GTF2IRD1: variants seen among roughly 807,000 people sequenced by gnomAD.
GTF2IRD1 encodes the protein GTF2I repeat domain containing 1, also known as general transcription factor II-I repeat domain-containing protein 1.
GTF2IRD1 carries 26 observed loss-of-function variants against 113.2 expected under a neutral mutation model. The observed-to-expected ratio is 0.23, with a 90% CI of 0.17 to 0.32. The LOEUF (loss-of-function observed/expected upper bound fraction) is 0.32. Among genes scored for constraint, GTF2IRD1 ranks in the 10% least tolerant of loss-of-function variants. GTF2IRD1 has a pLI of 1.00. For missense variants in GTF2IRD1, 864 were observed against 1,280.8 expected, an observed-to-expected ratio of 0.67 and a Z score of 4.97; for synonymous variants, 484 against 529.1, an observed-to-expected ratio of 0.91 and a Z score of 1.17.
chr7:74,543,507 C>T (rs1327638509), intron 14 of GTF2IRD1, among the ~76,000 whole-genome samples: 1 of 152,044 alleles, frequency 6.6e-6, no homozygotes, highest in African/African-American at 2.4e-5. Context: ...AAAGAAAATT[C>T]TGAGATGTCC....
intron 25 of GTF2IRD1, among the ~76,000 whole-genome samples, chr7:74,597,471 G>A (rs1374368195): frequency 5.3e-5 from 8 of 150,000 alleles, no homozygotes; most frequent in African/African-American, 1.7e-4. Flanking sequence ...TTAGCCTCCC[G>A]AGTAGCTGGG....
intron 6 of GTF2IRD1, among the ~76,000 whole-genome samples, chr7:74,520,159 C>T (rs1797195289): frequency 6.9e-6 from 1 of 145,264 alleles, no homozygotes; most frequent in Non-Finnish European, 1.5e-5. Context: ...GGGAGATCCA[C>T]ATCACGTGCT....
At chr7:74,582,837 C>T (rs1415521861) in intron 22 of GTF2IRD1, among the ~76,000 whole-genome samples, 5 of 151,888 alleles carry the variant, frequency 3.3e-5, no homozygotes, top group Non-Finnish European at 4.4e-5. Context: ...CAAAAACTCA[C>T]GATTTAAAAA....
At chr7:74,484,684 C>T (rs1240951996) in intron 1 of GTF2IRD1, among the ~76,000 whole-genome samples, 3 of 152,032 alleles carry the variant, frequency 2.0e-5, no homozygotes, top group East Asian at 1.9e-4. Flanking sequence ...GTCTCAAACT[C>T]CTGACGTCAG....
intron 1 of GTF2IRD1, among the ~76,000 whole-genome samples, chr7:74,466,240 C>T (rs1289858907): frequency 2.6e-5 from 4 of 152,094 alleles, no homozygotes; most frequent in South Asian, 2.1e-4. Context: ...GCTTAGGGGA[C>T]GGGAGACAAT....
chr7:74,514,136 C>T (rs1357240272), intron 3 of GTF2IRD1, among the ~76,000 whole-genome samples: 1 of 152,146 alleles, frequency 6.6e-6, no homozygotes, highest in Non-Finnish European at 1.5e-5. Context: ...GAATTGGTAC[C>T]TTGCAAGCAC....
intron 1 of GTF2IRD1, among the ~76,000 whole-genome samples, chr7:74,490,113 C>T (rs1483460713): frequency 2.0e-5 from 3 of 151,646 alleles, no homozygotes; most frequent in African/African-American, 4.8e-5. Flanking sequence ...ACAACAGGCA[C>T]GCACCACCAC....
chr7:74,531,737 G>A (rs587766515), intron 9 of GTF2IRD1, among the ~76,000 whole-genome samples: 4 of 152,146 alleles, frequency 2.6e-5, no homozygotes, highest in East Asian at 1.9e-4. Flanking sequence ...AAAAAAAAGT[G>A]GGGGGAGCCA....
At chr7:74,592,742 A>G (rs1279282077) in intron 24 of GTF2IRD1, among the ~76,000 whole-genome samples, 2 of 151,972 alleles carry the variant, frequency 1.3e-5, no homozygotes, top group Non-Finnish European at 2.9e-5. Context: ...CACGTTGGTC[A>G]GGCTGGTCTC....
chr7:74,504,539 C>T (rs782169151), intron 1 of GTF2IRD1, among the ~76,000 whole-genome samples: 16 of 152,074 alleles, frequency 1.1e-4, no homozygotes, highest in Admixed American at 2.0e-4. Flanking sequence ...GTCTTCCTAC[C>T]GCATGGTGAC....
chr7:74,544,937 G>C, intron 15 of GTF2IRD1, 135 bp downstream of exon 15: 1 of 662,414 alleles, frequency 1.5e-6, no homozygotes, highest in Non-Finnish European at 2.7e-6. Context: ...TGGTGTGGGG[G>C]TGGGAATCCT....
intron 8 of GTF2IRD1, among the ~76,000 whole-genome samples, chr7:74,529,207 A>G (rs1406405288): frequency 6.6e-6 from 1 of 152,122 alleles, no homozygotes; most frequent in Admixed American, 6.5e-5. Context: ...GAAGTCACAT[A>G]CGTAGGACTT....
At chr7:74,495,029 C>T (rs1554337543) in intron 1 of GTF2IRD1, among the ~76,000 whole-genome samples, 2 of 152,256 alleles carry the variant, frequency 1.3e-5, no homozygotes, top group South Asian at 2.1e-4. Flanking sequence ...TGCTGGATTA[C>T]AGGCATGAGC....
intron 22 of GTF2IRD1, among the ~76,000 whole-genome samples, chr7:74,569,600 G>A (rs1342620544): frequency 6.6e-6 from 1 of 152,206 alleles, no homozygotes; most frequent in Non-Finnish European, 1.5e-5. Flanking sequence ...GATACGATCA[G>A]ATTTGCGCTG....
At chr7:74,460,455 C>T (rs1793288903) in intron 1 of GTF2IRD1, among the ~76,000 whole-genome samples, 1 of 151,524 alleles carries the variant, frequency 6.6e-6, no homozygotes, top group Admixed American at 6.6e-5. Context: ...CGATGTTGCC[C>T]AGGCTGGTCT....
chr7:74,473,274 G>C (rs1232827383), intron 1 of GTF2IRD1, among the ~76,000 whole-genome samples: 4 of 152,174 alleles, frequency 2.6e-5, no homozygotes, highest in Non-Finnish European at 5.9e-5. Context: ...GATCTTGGCC[G>C]GTGTCCCTTC....
At chr7:74,504,840 T>A (rs1796221279) in intron 1 of GTF2IRD1, among the ~76,000 whole-genome samples, 1 of 151,300 alleles carries the variant, frequency 6.6e-6, no homozygotes, top group Admixed American at 6.6e-5. Flanking sequence ...CCCAAGTAGC[T>A]GGGATTACAG....
intron 19 of GTF2IRD1, among the ~76,000 whole-genome samples, chr7:74,556,803 T>TTTTTTTTTTTTTTTTTTTTTG (rs1562867328): frequency 6.6e-5 from 10 of 150,702 alleles, no homozygotes; most frequent in African/African-American, 1.2e-4. Context: ...TTTGTATTTT[T>TTTTTTTTTTTTTTTTTTTTTG]AGTAGAGATA....
At position 74,512,711 on chromosome 7, in the gene GTF2IRD1, C is replaced by G; in HGVS notation, c.124-119C>G. 2 of 875,680 alleles carry G rather than the reference C, an allele frequency of 2.3e-6. No individual in the cohort carries two copies. The highest frequency in any genetic ancestry group is 3.5e-6 in the Non-Finnish European group (2 of 565,440). 54.2% of individuals were successfully genotyped at this position (875,680 alleles called of 1,614,324 possible). Reference sequence around the variant, plus strand: ...AGAACAGTAGAGGGGCCGTCTGTCCCTGGAGCTGCTGCTGGGGTCTCAGGC... The same window carrying G: ...AGAACAGTAGAGGGGCCGTCTGTCCGTGGAGCTGCTGCTGGGGTCTCAGGC... On this transcript the variant is annotated intron_variant, in intron 2 of 26. Coordinates refer to ENST00000424337, the MANE Select transcript of GTF2IRD1 (RefSeq NM_005685.4). The surrounding 1 kb of genome is among the most constrained non-coding windows in gnomAD (Gnocchi z 4.4).
Sources: gnomAD v4.1 joint callset for allele counts (sites outside exome capture counted in the v4.1 genomes callset) on GRCh38, gnomAD v4.1.1 for gene constraint, Gnocchi (gnomAD v3.1) non-coding constraint, MANE v1.5 for transcripts, NCBI Gene and HGNC (gene_info 2026-07-23, HGNC 2026-07-21) for gene names.